HDAC8: variants seen among roughly 807,000 people sequenced by gnomAD.
HDAC8 encodes histone deacetylase 8.
A neutral mutation model predicts 32.2 loss-of-function variants in HDAC8; 1 was observed. The observed-to-expected ratio is 0.03, with a 90% CI of 0.01 to 0.15. The LOEUF (loss-of-function observed/expected upper bound fraction) is 0.15, where lower values mean the gene tolerates loss of function less well. Among genes scored for constraint, HDAC8 ranks in the 10% least tolerant of loss-of-function variants. HDAC8 has a pLI of 1.00. For synonymous variants in HDAC8, 108 were observed against 113.9 expected (o/e 0.95, Z 0.33); for missense variants, 117 against 300.0 (o/e 0.39, Z 4.51).
At chrX:72,379,516 G>GTTT in intron 9 of HDAC8, among the ~76,000 whole-genome samples, 1 of 55,104 alleles carries the variant, frequency 1.8e-5, no homozygotes, top group Non-Finnish European at 3.3e-5. Context: ...TTTTTTTTTG[G>GTTT]AGACGGAGTC....
In HDAC8 at chrX:72,329,836, ATC is replaced by A. The variant is rs1190850202; in HGVS notation, c.*216_*217del. The A allele has an allele frequency of 2.1e-6, 2 of 968,669 alleles. No homozygotes were observed. Among genetic ancestry groups the A allele is most frequent in the African/African-American group, 3.9e-5 (2 of 51,829 alleles). The allele number at this position is 968,669 out of a possible 1,213,427, so 79.8% of individuals were successfully genotyped here. On this transcript the variant is annotated 3_prime_UTR_variant, in exon 11 of 11. Coordinates refer to ENST00000373573, the MANE Select transcript of HDAC8 (RefSeq NM_018486.3). ...TAAATAAGAACTTTAAATGTGGGAT[ATC>A]TCCTTCTTCCCCTAGGTCCAGTTGA... is the stretch of plus-strand genomic sequence containing the variant.
chrX:72,338,181 T>C (rs782798895), intron 10 of HDAC8, among the ~76,000 whole-genome samples: 2 of 111,868 alleles, frequency 1.8e-5, no homozygotes, highest in Non-Finnish European at 3.8e-5. Context: ...ACCAGCTCTA[T>C]GAGGGCAGGG....
Position 72,383,726 on chromosome X carries a change from C to T in HDAC8, c.1006-31888G>A, listed in dbSNP as rs782685870. On this transcript the variant is annotated intron_variant, in intron 9 of 10. Transcript: ENST00000373573. ...TCTACTAAAAACACAAAAAATTAGCCGGGCATGGTGGCGGGCACCTGTAGT... is the reference window on the plus strand; with the variant it reads ...TCTACTAAAAACACAAAAAATTAGCTGGGCATGGTGGCGGGCACCTGTAGT... 1.2e-4 allele frequency among the ~76,000 whole-genome samples: 13 copies of T among 109,672 alleles called. No individual in the cohort carries two copies. In the South Asian group the frequency reaches 2.8e-3, roughly 24 times the overall value.
rs1555939668 is a variant in HDAC8, at chrX:72,329,840, C to T, written c.*214G>A. Reference sequence around the variant, plus strand: ...TAAGAACTTTAAATGTGGGATATCTCCTTCTTCCCCTAGGTCCAGTTGAGG... The same window carrying T: ...TAAGAACTTTAAATGTGGGATATCTTCTTCTTCCCCTAGGTCCAGTTGAGG... On this transcript the variant is annotated 3_prime_UTR_variant, in exon 11 of 11. Transcript: ENST00000373573. 2 of 953,493 alleles carry T rather than the reference C, an allele frequency of 2.1e-6. No individual in the cohort carries two copies. Among genetic ancestry groups the T allele is most frequent in the African/African-American group, 3.9e-5 (2 of 51,554 alleles). The allele number at this position is 953,493 out of a possible 1,213,427, so 78.6% of individuals were successfully genotyped here.
At chrX:72,395,759 C>G (rs1486361414) in intron 9 of HDAC8, among the ~76,000 whole-genome samples, 1 of 112,148 alleles carries the variant, frequency 8.9e-6, no homozygotes. Flanking sequence ...AAACTTCTAT[C>G]TACATTCTCA....
chrX:72,374,032 T>G (rs1555957220), intron 9 of HDAC8, among the ~76,000 whole-genome samples: 1 of 111,510 alleles, frequency 9.0e-6, no homozygotes, highest in East Asian at 2.8e-4. Flanking sequence ...TTGCCCATAT[T>G]AAAACTGGGT....
Position 72,391,783 on chromosome X carries a change from T to G in HDAC8, c.1006-39945A>C, listed in dbSNP as rs782498558. Among the ~76,000 whole-genome samples the G allele has an allele frequency of 3.6e-5, 4 of 111,426 alleles. No homozygotes were observed. In the East Asian group the frequency reaches 1.1e-3, roughly 32 times the overall value. On this transcript the variant is annotated intron_variant, in intron 9 of 10. Coordinates refer to ENST00000373573, the MANE Select transcript of HDAC8 (RefSeq NM_018486.3). ...TTTAAGAAACAGCTCAAATATCATC[T>G]CCTTTGTGAACCCTTCTGACACCTC...
chrX:72,540,039 G>T (rs944486507), intron 4 of HDAC8, among the ~76,000 whole-genome samples: 1 of 111,717 alleles, frequency 9.0e-6, no homozygotes, highest in African/African-American at 3.3e-5. Context: ...GGGAGCAGAG[G>T]CCTGACTGGG....
chrX:72,350,659 A>G (rs1457231987), intron 10 of HDAC8, among the ~76,000 whole-genome samples: 1 of 112,498 alleles, frequency 8.9e-6, no homozygotes, highest in Non-Finnish European at 1.9e-5. Context: ...CATTTAATTA[A>G]ACAGGAAAAT....
intron 9 of HDAC8, among the ~76,000 whole-genome samples, chrX:72,439,088 G>C (rs896729238): frequency 2.2e-4 from 25 of 111,830 alleles, no homozygotes; most frequent in African/African-American, 7.5e-4. Flanking sequence ...CCCACAAAGG[G>C]AAGCCCATCA....
intron 9 of HDAC8, among the ~76,000 whole-genome samples, chrX:72,400,449 A>G (rs1424164181): frequency 1.6e-4 from 18 of 111,808 alleles, no homozygotes; most frequent in Non-Finnish European, 1.9e-5. Context: ...TCACGCCATC[A>G]TTCCAGTTGC....
chrX:72,488,569 A>G (rs782289919), intron 7 of HDAC8, among the ~76,000 whole-genome samples: 2 of 112,099 alleles, frequency 1.8e-5, no homozygotes, highest in Non-Finnish European at 3.8e-5. Flanking sequence ...AGGTCTCCAT[A>G]ATGAACCCTG....
chrX:72,345,978 C>T (rs1390795441), intron 10 of HDAC8, among the ~76,000 whole-genome samples: 2 of 111,779 alleles, frequency 1.8e-5, no homozygotes, highest in African/African-American at 6.5e-5. Context: ...CCATGGCGCC[C>T]GGCCCAGAAT....
intron 4 of HDAC8, among the ~76,000 whole-genome samples, chrX:72,512,932 T>A (rs1318199926): frequency 1.8e-5 from 2 of 111,627 alleles, no homozygotes; most frequent in East Asian, 5.6e-4. Context: ...CCTCAAGTAC[T>A]CAAAGCTTAA....
At chrX:72,468,005 G>C (rs1484155624) in intron 7 of HDAC8, 1 of 1,188,659 alleles carries the variant, frequency 8.4e-7, no homozygotes, top group Non-Finnish European at 1.1e-6. Context: ...TTCTGATAAA[G>C]AGGGCTCTGG....
chrX:72,559,483 G>A (rs1556109981), intron 4 of HDAC8, among the ~76,000 whole-genome samples: 3 of 111,230 alleles, frequency 2.7e-5, no homozygotes, highest in African/African-American at 3.3e-5. Flanking sequence ...GCCTCTGCCC[G>A]GCCGCCACCC....
intron 9 of HDAC8, among the ~76,000 whole-genome samples, chrX:72,369,232 A>G (rs1291416097): frequency 2.7e-5 from 3 of 110,689 alleles, no homozygotes; most frequent in African/African-American, 9.9e-5. Flanking sequence ...TGCCTAACGC[A>G]TGGAGCCTGA....
intron 9 of HDAC8, among the ~76,000 whole-genome samples, chrX:72,403,499 T>C (rs782701748): frequency 1.7e-4 from 19 of 112,237 alleles, no homozygotes; most frequent in South Asian, 1.5e-3. Flanking sequence ...TACATTGTTA[T>C]AATTGTTATT....
chrX:72,434,670 A>T (rs1667448544), intron 9 of HDAC8, among the ~76,000 whole-genome samples: 1 of 112,028 alleles, frequency 8.9e-6, no homozygotes, highest in African/African-American at 3.2e-5. Context: ...AACTGTCAGC[A>T]TTTAGGGACT....
Sources: allele counts gnomAD v4.1 joint callset (sites outside exome capture counted in the v4.1 genomes callset), GRCh38; gene constraint gnomAD v4.1.1; transcripts MANE v1.5; gene names NCBI Gene and HGNC (gene_info 2026-07-23, HGNC 2026-07-21).